Variants in FAR1 observed in about 807,000 individuals in gnomAD.
FAR1 encodes fatty acyl-CoA reductase 1.
Under a neutral mutation model 61.1 loss-of-function variants are expected in FAR1, and 22 were observed. The ratio of observed to expected loss-of-function variants is 0.36; its 90% CI spans 0.26 to 0.51. The LOEUF (loss-of-function observed/expected upper bound fraction) is 0.51, where lower values mean the gene tolerates loss of function less well. Ranked by LOEUF, FAR1 falls within the 20% of genes least tolerant of loss-of-function variation. The pLI, the probability that FAR1 is intolerant of heterozygous loss-of-function variation, is 0.95. For missense variants in FAR1, 359 were observed against 626.9 expected (o/e 0.57, Z 4.56); for synonymous variants, 206 against 209.7 (o/e 0.98, Z 0.15).
At chr11:13,680,123 A>C (rs573873621) in intron 1 of FAR1, among the ~76,000 whole-genome samples, 4 of 152,370 alleles carry the variant, frequency 2.6e-5, no homozygotes, top group Admixed American at 2.6e-4. Context: ...TTATTTGTGG[A>C]AAATGCTCAA....
intron 10 of FAR1, among the ~76,000 whole-genome samples, chr11:13,726,139 G>A (rs1051576974): frequency 3.9e-5 from 6 of 151,928 alleles, no homozygotes; most frequent in Admixed American, 2.0e-4. Flanking sequence ...TTAGGTTGGT[G>A]CAAAAGTAAT....
At chr11:13,675,546 G>A (rs188027403) in intron 1 of FAR1, among the ~76,000 whole-genome samples, 1 of 152,278 alleles carries the variant, frequency 6.6e-6, no homozygotes, top group Non-Finnish European at 1.5e-5. Flanking sequence ...CTTGAACAAA[G>A]CCGGTTGCTG....
At chr11:13,692,960 G>T (rs1191804784) in intron 1 of FAR1, among the ~76,000 whole-genome samples, 2 of 152,108 alleles carry the variant, frequency 1.3e-5, no homozygotes, top group African/African-American at 2.4e-5. Context: ...TTATCTGTTT[G>T]TATTTATAAT....
intron 10 of FAR1, among the ~76,000 whole-genome samples, chr11:13,723,988 A>C (rs2134201302): frequency 6.6e-6 from 1 of 152,294 alleles, no homozygotes; most frequent in Non-Finnish European, 1.5e-5. Flanking sequence ...GCAGCATCTG[A>C]TTCTGCCATC....
chr11:13,723,800 T>G (rs1848640593), intron 10 of FAR1, among the ~76,000 whole-genome samples: 2 of 152,328 alleles, frequency 1.3e-5, no homozygotes, highest in South Asian at 4.1e-4. Flanking sequence ...GTCTGCCAGC[T>G]GTGTCTAAAC....
At chr11:13,672,563 G>GAAAAA (rs1565336581) in intron 1 of FAR1, among the ~76,000 whole-genome samples, 25 of 150,146 alleles carry the variant, frequency 1.7e-4, no homozygotes, top group African/African-American at 5.9e-4. Context: ...AAAAAAAAGT[G>GAAAAA]AGCATTATTT....
Position 13,712,961 on chromosome 11 carries a change from T to C in FAR1, c.888-5T>C, listed in dbSNP as rs188596684. 54 of 1,611,552 alleles carry C rather than the reference T, an allele frequency of 3.4e-5. No individual in the cohort carries two copies. The Middle Eastern group carries it at 6.6e-4, about 20-fold the overall frequency. ...GATTAATTGGTTTCATCTTTGTCTTTGCAGACCAAGAAACATCATGGTGTA... is the reference window on the plus strand; with the variant it reads ...GATTAATTGGTTTCATCTTTGTCTTCGCAGACCAAGAAACATCATGGTGTA... On this transcript the variant is annotated splice_polypyrimidine_tract_variant and splice_region_variant and intron_variant, in intron 7 of 11. Coordinates refer to ENST00000354817, the MANE Select transcript of FAR1 (RefSeq NM_032228.6).
chr11:13,677,647 G>T (rs574753287), intron 1 of FAR1, among the ~76,000 whole-genome samples: 1 of 152,198 alleles, frequency 6.6e-6, no homozygotes, highest in Non-Finnish European at 1.5e-5. Context: ...AGACTTGCCC[G>T]TACATTAGCG....
At chr11:13,698,196 T>C (rs1205750012) in intron 2 of FAR1, among the ~76,000 whole-genome samples, 2 of 152,178 alleles carry the variant, frequency 1.3e-5, no homozygotes, top group African/African-American at 4.8e-5. Context: ...AAAACAGTAC[T>C]TCTTTCTCTC....
intron 1 of FAR1, among the ~76,000 whole-genome samples, chr11:13,693,929 A>G (rs920052687): frequency 6.6e-6 from 1 of 152,232 alleles, no homozygotes; most frequent in Non-Finnish European, 1.5e-5. Flanking sequence ...AAACATAAAT[A>G]CAATTCAAGC....
At chr11:13,685,291 T>G (rs72864688) in intron 1 of FAR1, among the ~76,000 whole-genome samples, 13,677 of 152,134 alleles carry the variant, frequency 0.09, 709 homozygotes, top group Middle Eastern at 0.14. Context: ...TGATTTTTTT[T>G]TTTTTGTTTT....
chr11:13,687,870 G>A (rs553583992), intron 1 of FAR1, among the ~76,000 whole-genome samples: 14 of 146,358 alleles, frequency 9.6e-5, no homozygotes, highest in African/African-American at 2.5e-4. Context: ...ACCAAACACC[G>A]CATGCTCTCA....
At chr11:13,720,231 C>G (rs1378563488) in intron 9 of FAR1, 1 of 152,018 alleles carries the variant, frequency 6.6e-6, no homozygotes, top group African/African-American at 2.4e-5. Flanking sequence ...TATCAGTGAA[C>G]AAGAGTTAAG....
chr11:13,691,414 G>A (rs2134177477), intron 1 of FAR1, among the ~76,000 whole-genome samples: 1 of 152,302 alleles, frequency 6.6e-6, no homozygotes, highest in African/African-American at 2.4e-5. Context: ...ATTTAAGTGA[G>A]CAATTCAGTG....
At chr11:13,703,228 G>A (rs753332509) in intron 3 of FAR1, among the ~76,000 whole-genome samples, 1 of 152,108 alleles carries the variant, frequency 6.6e-6, no homozygotes, top group Non-Finnish European at 1.5e-5. Flanking sequence ...TATCGCCCAG[G>A]CTGAGAGTGC....
At position 13,708,062 on chromosome 11, in the gene FAR1, G is replaced by A; in HGVS notation, c.528G>A (p.Lys176=). ...ATCCACCACCTGTGGATCCCAAGAAGCTGATTGATTCTTTAGAGTATGTTT... is the reference window on the plus strand; with the variant it reads ...ATCCACCACCTGTGGATCCCAAGAAACTGATTGATTCTTTAGAGTATGTTT... ...VVYPPPVDPK[K]LIDSLEWMDD... The change falls in exon 4 of 12, where the codon AAG becomes AAA. Residue 176 remains lysine, a synonymous_variant. Transcript: ENST00000354817. 1.9e-6 allele frequency: 3 copies of A among 1,590,122 alleles called. No individual in the cohort carries two copies. The highest frequency in any genetic ancestry group is 2.6e-6 in the Non-Finnish European group (3 of 1,169,488).
rs964967938 is a variant in FAR1 at position 13,729,805 on chromosome 11, A to G, written c.*1031A>G. The G allele has an allele frequency of 6.6e-6, 1 of 152,158 alleles. No homozygotes were observed. Among genetic ancestry groups the G allele is most frequent in the African/African-American group, 2.4e-5 (1 of 41,452 alleles). The allele number at this position is 152,158 out of a possible 1,614,324, so 9.4% of individuals were successfully genotyped here. A position where few individuals can be genotyped will look rare whatever the true frequency, so the allele number is the denominator to read the frequency against. On this transcript the variant is annotated 3_prime_UTR_variant, in exon 12 of 12. Transcript: ENST00000354817. ...TATACTCGTGTGTAAACACATACTA[A>G]TTTTGACCTTGAAAGATGAATTCCT...
rs142642089 is a variant in FAR1 at position 13,724,226 on chromosome 11, G to A, written c.1257+2367G>A. 2.9e-3 allele frequency among the ~76,000 whole-genome samples: 444 copies of A among 152,082 alleles called. 2 individuals carry two copies. Among genetic ancestry groups the A allele is most frequent in the African/African-American group, 0.01 (427 of 41,492 alleles). On this transcript the variant is annotated intron_variant, in intron 10 of 11. Coordinates refer to ENST00000354817, the MANE Select transcript of FAR1 (RefSeq NM_032228.6). Reference sequence around the variant, plus strand: ...TTTAAAATATCTGATTAGGTTTTTAGCACAACTCAGATTAATGTAGGCCTT... The same window carrying A: ...TTTAAAATATCTGATTAGGTTTTTAACACAACTCAGATTAATGTAGGCCTT...
chr11:13,712,839 A>G (rs1468548490), intron 7 of FAR1, 127 bp from the exon 8 acceptor site: 1 of 570,518 alleles, frequency 1.8e-6, no homozygotes, highest in African/African-American at 1.9e-5. Context: ...CTTTAAGGAT[A>G]ATTAAAAAAA....
Sources: gnomAD v4.1 joint callset for allele counts (sites outside exome capture counted in the v4.1 genomes callset) on GRCh38, gnomAD v4.1.1 for gene constraint, MANE v1.5 for transcripts, NCBI Gene and HGNC (gene_info 2026-07-23, HGNC 2026-07-21) for gene names.